Variants in DLG2 observed in about 807,000 individuals in gnomAD.
The protein encoded by DLG2 is discs large MAGUK scaffold protein 2.
DLG2 carries 45 observed loss-of-function variants against 132.5 expected under a neutral mutation model. That is an observed-to-expected ratio of 0.34 (90% CI 0.27 to 0.44). The LOEUF is 0.44. Ranked by LOEUF, DLG2 falls within the 20% of genes least tolerant of loss-of-function variation. DLG2 has a pLI of 1.00. For missense variants in DLG2, 1,045 were observed against 1,196.9 expected (o/e 0.87, Z 1.87); for synonymous variants, 424 against 419.6 (o/e 1.01, Z -0.13).
intron 5 of DLG2, among the ~76,000 whole-genome samples, chr11:85,118,967 T>C (rs1458733671): frequency 6.6e-6 from 1 of 151,684 alleles, no homozygotes; most frequent in East Asian, 1.9e-4. Flanking sequence ...TACTATATAA[T>C]TTACATGTTA....
chr11:83,802,675 T>C (rs755796858), intron 17 of DLG2, among the ~76,000 whole-genome samples: 24 of 152,144 alleles, frequency 1.6e-4, no homozygotes, highest in Non-Finnish European at 2.8e-4. Context: ...TACTATGCAG[T>C]CATTAAAAGC....
chr11:84,990,900 T>C (rs1170261455), intron 6 of DLG2, among the ~76,000 whole-genome samples: 3 of 152,120 alleles, frequency 2.0e-5, no homozygotes, highest in African/African-American at 7.2e-5. Context: ...AAAACCTATA[T>C]TCACACAGAA....
intron 18 of DLG2, among the ~76,000 whole-genome samples, chr11:83,760,607 C>T (rs1259424658): frequency 1.3e-5 from 2 of 152,058 alleles, no homozygotes; most frequent in East Asian, 3.9e-4. Context: ...CCACCTGCCT[C>T]GGCCTCCCAA....
At chr11:85,133,136 G>A in intron 5 of DLG2, 1 of 206,864 alleles carries the variant, frequency 4.8e-6, no homozygotes, top group Non-Finnish European at 1.0e-5. Flanking sequence ...TGCGATGAGT[G>A]TAACACCAAG....
chr11:84,109,903 ATCGG>A (rs1216124461), intron 9 of DLG2, among the ~76,000 whole-genome samples: 2 of 152,136 alleles, frequency 1.3e-5, no homozygotes, highest in Non-Finnish European at 2.9e-5. Context: ...CTGCCTCCCC[ATCGG>A]TCCCTACATT....
chr11:84,135,726 A>G (rs1315796208), intron 9 of DLG2, among the ~76,000 whole-genome samples: 1 of 152,122 alleles, frequency 6.6e-6, no homozygotes, highest in Non-Finnish European at 1.5e-5. Context: ...TGGAAGCTTC[A>G]GTGAGAGGTC....
intron 6 of DLG2, among the ~76,000 whole-genome samples, chr11:84,737,005 A>C (rs1596939517): frequency 6.6e-6 from 1 of 152,002 alleles, no homozygotes; most frequent in South Asian, 2.1e-4. Context: ...GGTTTTTCAC[A>C]TAAGTTTCTT....
intron 3 of DLG2, among the ~76,000 whole-genome samples, chr11:85,561,239 G>A (rs571833511): frequency 6.9e-6 from 1 of 144,772 alleles, no homozygotes; most frequent in South Asian, 2.2e-4. Context: ...GGTTGAGACA[G>A]GAGGATCTCT....
At chr11:85,623,368 A>C (rs1245248956) in intron 2 of DLG2, among the ~76,000 whole-genome samples, 3 of 152,038 alleles carry the variant, frequency 2.0e-5, no homozygotes, top group Non-Finnish European at 4.4e-5. Context: ...GCAGCGGCAC[A>C]GTCTTACCTC....
chr11:84,526,730 A>G (rs1467714193), intron 7 of DLG2, among the ~76,000 whole-genome samples: 1 of 151,688 alleles, frequency 6.6e-6, no homozygotes, highest in Non-Finnish European at 1.5e-5. Context: ...ACATAGTATA[A>G]ATAGGATTTG....
chr11:85,384,878 T>C (rs933845125), intron 3 of DLG2, among the ~76,000 whole-genome samples: 1 of 152,214 alleles, frequency 6.6e-6, no homozygotes. Flanking sequence ...GACCAAGTTA[T>C]TAAATCTTAG....
chr11:85,413,994 G>A (rs557506845), intron 3 of DLG2, among the ~76,000 whole-genome samples: 4 of 152,102 alleles, frequency 2.6e-5, no homozygotes, highest in Admixed American at 6.6e-5. Flanking sequence ...TTGGCAGTAC[G>A]GTCATTTTCA....
chr11:84,321,001 C>A (rs2098401309), intron 7 of DLG2, among the ~76,000 whole-genome samples: 1 of 152,118 alleles, frequency 6.6e-6, no homozygotes, highest in African/African-American at 2.4e-5. Flanking sequence ...GAAAGAAACA[C>A]TAGTAAAAAG....
At chr11:85,605,493 T>C (rs1205495745) in intron 2 of DLG2, among the ~76,000 whole-genome samples, 1 of 152,224 alleles carries the variant, frequency 6.6e-6, no homozygotes, top group African/African-American at 2.4e-5. Context: ...CCTTTATAAG[T>C]CTGGTAGATA....
At chr11:85,349,404 G>A (rs1244719615) in intron 3 of DLG2, among the ~76,000 whole-genome samples, 1 of 151,902 alleles carries the variant, frequency 6.6e-6, no homozygotes, top group Non-Finnish European at 1.5e-5. Context: ...ACCACACCTG[G>A]ATGGACTTTT....
At chr11:83,538,551 T>C (rs1346955382) in intron 20 of DLG2, among the ~76,000 whole-genome samples, 1 of 152,230 alleles carries the variant, frequency 6.6e-6, no homozygotes, top group Non-Finnish European at 1.5e-5. Context: ...CTGGCTTTGC[T>C]ATCAAAGAGA....
intron 3 of DLG2, among the ~76,000 whole-genome samples, chr11:85,330,877 T>A (rs2081680405): frequency 6.6e-6 from 1 of 150,520 alleles, no homozygotes; most frequent in Non-Finnish European, 1.5e-5. Flanking sequence ...TTCTCATACA[T>A]AAACCCTTAC....
chr11:83,558,426 C>G (rs1044128651), intron 19 of DLG2, among the ~76,000 whole-genome samples: 1 of 151,894 alleles, frequency 6.6e-6, no homozygotes, highest in Non-Finnish European at 1.5e-5. Context: ...CTTAGTCTAC[C>G]TGTTATCTGT....
chr11:83,823,754 T>C (rs1378289033), intron 17 of DLG2, among the ~76,000 whole-genome samples: 1 of 152,186 alleles, frequency 6.6e-6, no homozygotes, highest in Non-Finnish European at 1.5e-5. Flanking sequence ...CACAGTTTCA[T>C]CCTCAAGGGA....
Sources: gnomAD v4.1 joint callset for allele counts (sites outside exome capture counted in the v4.1 genomes callset) on GRCh38, gnomAD v4.1.1 for gene constraint, MANE v1.5 for transcripts, NCBI Gene and HGNC (gene_info 2026-07-23, HGNC 2026-07-21) for gene names.